NRG1: variants seen among roughly 807,000 people sequenced by gnomAD.
NRG1 encodes neuregulin 1, also known as pro-neuregulin-1, membrane-bound isoform.
In NRG1, 18 loss-of-function variants were observed where a neutral mutation model predicts 63.8. The observed-to-expected ratio is 0.28, with a 90% confidence interval of 0.19 to 0.42. The LOEUF (loss-of-function observed/expected upper bound fraction) is 0.42, where lower values mean the gene tolerates loss of function less well. NRG1 is among the 10% of genes least tolerant of loss of function. The pLI, the probability that NRG1 is intolerant of heterozygous loss-of-function variation, is 1.00. For missense variants in NRG1, 762 were observed against 814.7 expected, an observed-to-expected ratio of 0.94 and a Z score of 0.79; for synonymous variants, 302 against 301.3, an observed-to-expected ratio of 1.00 and a Z score of -0.02.
intron 1 of NRG1, among the ~76,000 whole-genome samples, chr8:32,273,781 A>G (rs976450825): frequency 1.3e-5 from 2 of 152,230 alleles, no homozygotes; most frequent in Non-Finnish European, 2.9e-5. Context: ...CTTTAAAGGT[A>G]ATGTATTTAA....
chr8:32,753,579 G>C (rs1478973791), intron 7 of NRG1, among the ~76,000 whole-genome samples: 1 of 152,138 alleles, frequency 6.6e-6, no homozygotes, highest in Non-Finnish European at 1.5e-5. Context: ...TTGTTCCTAA[G>C]TACAATTGGT....
intron 5 of NRG1, among the ~76,000 whole-genome samples, chr8:32,640,464 G>A (rs928071043): frequency 6.6e-6 from 1 of 152,020 alleles, no homozygotes; most frequent in Non-Finnish European, 1.5e-5. Flanking sequence ...AGCAGTGGAC[G>A]CAGACACAAG....
intron 1 of NRG1, among the ~76,000 whole-genome samples, chr8:32,063,658 C>T (rs1385529129): frequency 1.3e-5 from 2 of 151,992 alleles, no homozygotes; most frequent in Admixed American, 1.3e-4. Context: ...TTTGATAAAG[C>T]TGTGAAGACT....
chr8:32,009,857 T>C (rs939369999), intron 1 of NRG1, among the ~76,000 whole-genome samples: 1 of 152,148 alleles, frequency 6.6e-6, no homozygotes, highest in East Asian at 1.9e-4. Flanking sequence ...TGCTCCAGTT[T>C]ATGCACTTTC....
At chr8:32,168,850 T>C (rs191655326) in intron 1 of NRG1, among the ~76,000 whole-genome samples, 43 of 152,284 alleles carry the variant, frequency 2.8e-4, no homozygotes, top group Middle Eastern at 3.4e-3. Flanking sequence ...ACATTGTAAA[T>C]GTCCTTATTT....
intron 2 of NRG1, among the ~76,000 whole-genome samples, chr8:32,603,301 G>A (rs1279829324): frequency 6.6e-6 from 1 of 152,082 alleles, no homozygotes; most frequent in Middle Eastern, 3.4e-3. Context: ...ATCCCTTTTC[G>A]GGGAGTCAGA....
chr8:31,804,064 C>G (rs747286694), intron 1 of NRG1, among the ~76,000 whole-genome samples: 1 of 152,128 alleles, frequency 6.6e-6, no homozygotes, highest in Non-Finnish European at 1.5e-5. Context: ...TTAATTATGT[C>G]TTTATCTATT....
chr8:32,509,086 TA>T (rs1828877810), intron 1 of NRG1, among the ~76,000 whole-genome samples: 1 of 28,920 alleles, frequency 3.5e-5, no homozygotes. Context: ...TATTTTATTT[TA>T]TTTTATTTTA....
intron 1 of NRG1, among the ~76,000 whole-genome samples, chr8:32,207,897 T>C (rs1173290357): frequency 6.6e-6 from 1 of 152,198 alleles, no homozygotes; most frequent in African/African-American, 2.4e-5. Context: ...CCAAGTTAAA[T>C]AGCAGACATT....
At position 32,138,683 on chromosome 8, in the gene NRG1, C is replaced by T. The variant is rs149852855; in HGVS notation, c.38-457145C>T. Among the ~76,000 whole-genome samples the T allele has an allele frequency of 2.5e-3, 387 of 152,182 alleles. 2 individuals are homozygous for T. The highest frequency in any genetic ancestry group is 8.9e-3 in the African/African-American group (370 of 41,522). ...GTTCAAGCAATTATTCTGCCTCAGC[C>T]TCCCAAGTAGCTGAGTTTATAGGCG... On this transcript the variant is annotated intron_variant, in intron 1 of 10. Transcript: ENST00000519301.
chr8:32,581,774 G>A (rs1006210938), intron 1 of NRG1, among the ~76,000 whole-genome samples: 2 of 152,288 alleles, frequency 1.3e-5, no homozygotes, highest in East Asian at 1.9e-4. Flanking sequence ...ATATAGGACA[G>A]AGAGTTCTCC....
intron 1 of NRG1, among the ~76,000 whole-genome samples, chr8:32,562,102 G>A (rs894192030): frequency 6.6e-6 from 1 of 152,126 alleles, no homozygotes; most frequent in African/African-American, 2.4e-5. Context: ...GATCCTTTGA[G>A]GGTGGTAGAG....
chr8:32,338,815 C>G (rs936032154), intron 1 of NRG1, among the ~76,000 whole-genome samples: 12 of 152,126 alleles, frequency 7.9e-5, no homozygotes, highest in African/African-American at 2.9e-4. Context: ...ACTCTGTATA[C>G]TCCGGAGAAT....
At chr8:31,733,247 C>T (rs1435365116) in intron 1 of NRG1, among the ~76,000 whole-genome samples, 1 of 147,788 alleles carries the variant, frequency 6.8e-6, no homozygotes, top group African/African-American at 2.5e-5. Context: ...ATTCCATATT[C>T]TTTGCTGTTG....
At position 32,169,386 on chromosome 8, in the gene NRG1, C is replaced by T. The variant is rs144747676; in HGVS notation, c.38-426442C>T. Among the ~76,000 whole-genome samples, 7 of 152,228 alleles carry T rather than the reference C, an allele frequency of 4.6e-5. No homozygotes were observed. In the East Asian group the frequency reaches 1.2e-3, roughly 25 times the overall value. On this transcript the variant is annotated intron_variant, in intron 1 of 10. Transcript: ENST00000519301. ...ATGTTGAAAACTTGTAGTGATGAAA[C>T]GTGTAGGATTTGCGATTTGTCGGAG...
chr8:32,510,401 T>C (rs1222145908), intron 1 of NRG1, among the ~76,000 whole-genome samples: 1 of 150,784 alleles, frequency 6.6e-6, no homozygotes, highest in Admixed American at 6.6e-5. Context: ...AGGAAGAAAA[T>C]TCCAGTAGAA....
chr8:31,706,159 C>G (rs567725646), intron 1 of NRG1, among the ~76,000 whole-genome samples: 2 of 152,200 alleles, frequency 1.3e-5, no homozygotes, highest in African/African-American at 4.8e-5. Context: ...CCCCATCTTC[C>G]CAGCTCCTTT....
At chr8:32,113,046 G>T (rs1019698454) in intron 1 of NRG1, among the ~76,000 whole-genome samples, 38 of 152,166 alleles carry the variant, frequency 2.5e-4, no homozygotes, top group African/African-American at 8.9e-4. Flanking sequence ...GCATCAAATA[G>T]GTGTGTGGCC....
intron 1 of NRG1, among the ~76,000 whole-genome samples, chr8:32,104,797 A>C (rs781076870): frequency 6.6e-6 from 1 of 152,088 alleles, no homozygotes; most frequent in South Asian, 2.1e-4. Context: ...ATCTTGTCCT[A>C]CTGGAAGGTC....
Sources: gnomAD v4.1 joint callset for allele counts (sites outside exome capture counted in the v4.1 genomes callset) on GRCh38, gnomAD v4.1.1 for gene constraint, MANE v1.5 for transcripts, NCBI Gene and HGNC (gene_info 2026-07-23, HGNC 2026-07-21) for gene names.